Variants in PLEKHA6 observed in about 807,000 individuals in gnomAD.
PLEKHA6 encodes the protein pleckstrin homology domain containing A6.
Under a neutral mutation model 116.7 loss-of-function variants are expected in PLEKHA6, and 60 were observed. The observed-to-expected ratio is 0.51, with a 90% confidence interval of 0.42 to 0.64. The LOEUF (loss-of-function observed/expected upper bound fraction) is 0.64. PLEKHA6 is among the 30% of genes least tolerant of loss of function. The probability of loss-of-function intolerance (pLI) is 0.00; values close to 1 mark genes in which losing one functional copy is unlikely to be tolerated. For missense variants in PLEKHA6, 1,338 were observed against 1,422.7 expected (o/e 0.94, Z 0.96); for synonymous variants, 489 against 556.1 (o/e 0.88, Z 1.70).
intron 1 of PLEKHA6, among the ~76,000 whole-genome samples, chr1:204,304,654 A>G (rs367955464): frequency 6.6e-6 from 1 of 152,122 alleles, no homozygotes; most frequent in Non-Finnish European, 1.5e-5. Context: ...AATTTTCCCT[A>G]TTTTTCTTAT....
At chr1:204,335,917 T>C (rs1672632146) in intron 1 of PLEKHA6, among the ~76,000 whole-genome samples, 1 of 152,210 alleles carries the variant, frequency 6.6e-6, no homozygotes, top group Non-Finnish European at 1.5e-5. Context: ...CAAATAATTC[T>C]GCCATGTCAC....
chr1:204,284,249 C>T (rs1668937613), intron 1 of PLEKHA6, among the ~76,000 whole-genome samples: 1 of 152,168 alleles, frequency 6.6e-6, no homozygotes, highest in Non-Finnish European at 1.5e-5. Flanking sequence ...GAGGGTAGCA[C>T]AGCAAGGGTT....
chr1:204,232,023 T>C (rs1471407929), intron 17 of PLEKHA6, among the ~76,000 whole-genome samples: 1 of 152,128 alleles, frequency 6.6e-6, no homozygotes, highest in Non-Finnish European at 1.5e-5. Flanking sequence ...CTGGTAGAAA[T>C]ATGAATGTTA....
intron 1 of PLEKHA6, among the ~76,000 whole-genome samples, chr1:204,320,015 G>T (rs1672000792): frequency 6.6e-6 from 1 of 152,178 alleles, no homozygotes; most frequent in South Asian, 2.1e-4. Flanking sequence ...GTCCATCTGG[G>T]ATATCACTAG....
At chr1:204,280,213 A>C in intron 1 of PLEKHA6, 50 of 685,802 alleles carry the variant, frequency 7.3e-5, no homozygotes, top group Non-Finnish European at 8.3e-5. Flanking sequence ...TACCTCACAT[A>C]GAGATAACTC....
At chr1:204,323,065 T>C (rs936788989) in intron 1 of PLEKHA6, among the ~76,000 whole-genome samples, 4 of 152,260 alleles carry the variant, frequency 2.6e-5, no homozygotes, top group African/African-American at 9.6e-5. Flanking sequence ...CATTTATTCA[T>C]TTGACAAACA....
At chr1:204,268,869 T>C (rs1384758180) in intron 3 of PLEKHA6, among the ~76,000 whole-genome samples, 1 of 152,190 alleles carries the variant, frequency 6.6e-6, no homozygotes, top group African/African-American at 2.4e-5. Flanking sequence ...CTCCCACTGT[T>C]TAATCCTTCT....
intron 17 of PLEKHA6, 25 bp from the exon 18 acceptor site, chr1:204,230,611 C>T: frequency 6.3e-7 from 1 of 1,576,030 alleles, no homozygotes; most frequent in Non-Finnish European, 8.6e-7. Context: ...AAACAGGGCT[C>T]TGACAAGTGC....
intron 4 of PLEKHA6, 117 bp from the exon 5 acceptor site, chr1:204,267,664 C>G: frequency 1.2e-6 from 1 of 851,510 alleles, no homozygotes; most frequent in Non-Finnish European, 2.0e-6. Context: ...CTAGCTGCGG[C>G]TCTGCTGTTA....
At chr1:204,373,871 ACT>A (rs1459728745) in intron 1 of PLEKHA6, among the ~76,000 whole-genome samples, 1 of 151,934 alleles carries the variant, frequency 6.6e-6, no homozygotes, top group Admixed American at 6.6e-5. Context: ...ATTGAAGAAG[ACT>A]CTAACATACT....
chr1:204,240,203 G>A (rs1439053181), intron 17 of PLEKHA6, among the ~76,000 whole-genome samples: 1 of 152,164 alleles, frequency 6.6e-6, no homozygotes, highest in African/African-American at 2.4e-5. Flanking sequence ...TTAGTATTAA[G>A]AGATCCTGTG....
At chr1:204,370,085 G>A (rs1053518729) in intron 2 of PLEKHA6, among the ~76,000 whole-genome samples, 8 of 152,210 alleles carry the variant, frequency 5.3e-5, no homozygotes, top group African/African-American at 1.9e-4. Flanking sequence ...CCAAGATTGA[G>A]CTCAGATCTC....
chr1:204,259,572 C>T lies in PLEKHA6; in HGVS notation c.693G>A (p.Glu231=). The stretch of plus-strand genomic sequence containing the variant: ...GGAGGCCATTGGCTTTCACCGGAGG[C>T]TCTTTCTTGACTTCTGGCCTCTCAG... ...RRPERPEVKK[E]PPVKANGLPA... The change falls in exon 8 of 23, where the codon GAG becomes GAA. Residue 231 remains glutamate, a synonymous_variant. Transcript: ENST00000272203. This position sits in a 1 kb window ranked among gnomAD's most constrained non-coding sequence, Gnocchi z 4.6. 2 of 1,614,108 alleles carry T rather than the reference C, an allele frequency of 1.2e-6. No homozygotes were observed. The highest frequency in any genetic ancestry group is 1.7e-6 in the Non-Finnish European group (2 of 1,180,048).
At chr1:204,336,349 C>T (rs1368144432) in intron 1 of PLEKHA6, among the ~76,000 whole-genome samples, 2 of 152,248 alleles carry the variant, frequency 1.3e-5, no homozygotes, top group East Asian at 3.8e-4. Flanking sequence ...CAGTGCTTCT[C>T]TACTGTCTGC....
chr1:204,317,831 T>A lies in PLEKHA6; in HGVS notation c.-95+41863A>T, dbSNP rs550481235. On this transcript the variant is annotated intron_variant, in intron 1 of 22. Transcript: ENST00000272203. ...TTTGTTAAAACACACACACACAATA[T>A]GAGAATCCTGACTCAGCCACTTAAT... Among the ~76,000 whole-genome samples the A allele has an allele frequency of 6.6e-5, 10 of 152,352 alleles. No homozygotes were observed. In the South Asian group the frequency reaches 2.1e-3, roughly 32 times the overall value.
At chr1:204,304,942 A>G (rs1245041274) in intron 1 of PLEKHA6, among the ~76,000 whole-genome samples, 1 of 152,214 alleles carries the variant, frequency 6.6e-6, no homozygotes, top group Non-Finnish European at 1.5e-5. Context: ...GTGTCCAGTG[A>G]GCATCTACCA....
At chr1:204,349,540 C>A (rs1347194732) in intron 1 of PLEKHA6, among the ~76,000 whole-genome samples, 125 of 115,142 alleles carry the variant, frequency 1.1e-3, no homozygotes, top group East Asian at 2.3e-3. Flanking sequence ...GACTCCATCT[C>A]AAAAAAAAAA....
At position 204,265,061 on chromosome 1, in the gene PLEKHA6, C is replaced by A. The variant is rs1666613253; in HGVS notation, c.281-19G>T. 5 of 1,549,154 alleles carry A rather than the reference C, an allele frequency of 3.2e-6. No homozygotes were observed. The highest frequency in any genetic ancestry group is 4.4e-6 in the Non-Finnish European group (5 of 1,134,110). On this transcript the variant is annotated intron_variant, in intron 5 of 22. Transcript: ENST00000272203. ...TTCTCATCTGTCAGGGAGAGAGGCA[C>A]AAGAAGGGTGTGTGTGTGTGTGTGC...
In PLEKHA6 at chr1:204,238,035, C is replaced by CGAAGG. The variant is rs1662307780; in HGVS notation, c.2409+3339_2409+3340insCCTTC. Among the ~76,000 whole-genome samples, 4 of 152,204 alleles carry CGAAGG rather than the reference C, an allele frequency of 2.6e-5. No individual in the cohort carries two copies. The South Asian group carries it at 8.3e-4, about 32-fold the overall frequency. On this transcript the variant is annotated intron_variant, in intron 17 of 22. Coordinates refer to ENST00000272203, the MANE Select transcript of PLEKHA6 (RefSeq NM_014935.5). The surrounding 1 kb of genome is among the most constrained non-coding windows in gnomAD (Gnocchi z 4.2). Reference sequence around the variant, plus strand: ...TTCTAAGGCGAAGGATATGTTGCTGCATTTGGCCCCTCCTACAACCAAGAA... The same window carrying CGAAGG: ...TTCTAAGGCGAAGGATATGTTGCTGCGAAGGATTTGGCCCCTCCTACAACCAAGAA...
Sources: allele counts gnomAD v4.1 joint callset (sites outside exome capture counted in the v4.1 genomes callset), GRCh38; gene constraint gnomAD v4.1.1; non-coding constraint Gnocchi (gnomAD v3.1); transcripts MANE v1.5; gene names NCBI Gene and HGNC (gene_info 2026-07-23, HGNC 2026-07-21).